GRM7: variants seen among roughly 807,000 people sequenced by gnomAD.
GRM7 encodes the protein metabotropic glutamate receptor 7.
Under a neutral mutation model 84.5 loss-of-function variants are expected in GRM7, and 35 were observed. The ratio of observed to expected loss-of-function variants is 0.41; its 90% CI spans 0.32 to 0.55. GRM7 has a LOEUF of 0.55. Among genes scored for constraint, GRM7 ranks in the 20% least tolerant of loss-of-function variants. The pLI is 0.19. For synonymous variants in GRM7, 487 were observed against 455.1 expected, an observed-to-expected ratio of 1.07 and a Z score of -0.89; for missense variants, 1,003 against 1,194.6, an observed-to-expected ratio of 0.84 and a Z score of 2.36.
At chr3:7,529,217 C>A (rs565494521) in intron 7 of GRM7, among the ~76,000 whole-genome samples, 2 of 152,080 alleles carry the variant, frequency 1.3e-5, no homozygotes, top group Admixed American at 6.6e-5. Context: ...TGCCAAGCTC[C>A]TATTAGTCAT....
At chr3:7,298,264 G>A (rs569876933) in intron 2 of GRM7, among the ~76,000 whole-genome samples, 6 of 152,054 alleles carry the variant, frequency 3.9e-5, no homozygotes, top group African/African-American at 4.8e-5. Flanking sequence ...GAATGCAAAC[G>A]CCACAAAAGT....
rs73123733 is a variant in GRM7 at position 7,708,776 on chromosome 3, A to C, written c.2698+28481A>C. 5.0e-3 allele frequency among the ~76,000 whole-genome samples: 754 copies of C among 152,264 alleles called. 8 individuals are homozygous for C. The highest frequency in any genetic ancestry group is 0.016 in the African/African-American group (683 of 41,536). ...TCTCCCAGCAGCCGGGTAGGATCCCAGGGAAGTACCTCCGATGAGATGTGA... is the reference window on the plus strand; with the variant it reads ...TCTCCCAGCAGCCGGGTAGGATCCCCGGGAAGTACCTCCGATGAGATGTGA... On this transcript the variant is annotated intron_variant, in intron 9 of 9. Coordinates refer to ENST00000357716, the MANE Select transcript of GRM7 (RefSeq NM_000844.4).
intron 4 of GRM7, among the ~76,000 whole-genome samples, chr3:7,366,682 A>C (rs932825882): frequency 1.3e-5 from 2 of 151,846 alleles, no homozygotes; most frequent in African/African-American, 4.8e-5. Flanking sequence ...TACCATTTGC[A>C]ATATCTCACT....
At chr3:7,654,846 G>A (rs182983178) in intron 8 of GRM7, among the ~76,000 whole-genome samples, 41 of 152,290 alleles carry the variant, frequency 2.7e-4, no homozygotes, top group Non-Finnish European at 5.9e-5. Context: ...TCTGTATTAG[G>A]AAATAATTGC....
At chr3:6,981,250 C>A (rs944568409) in intron 1 of GRM7, among the ~76,000 whole-genome samples, 1 of 152,134 alleles carries the variant, frequency 6.6e-6, no homozygotes, top group Admixed American at 6.5e-5. Context: ...GAAAAAATAT[C>A]TTGGCTTTAA....
intron 9 of GRM7, among the ~76,000 whole-genome samples, chr3:7,704,953 G>A (rs758272517): frequency 6.6e-6 from 1 of 152,142 alleles, no homozygotes; most frequent in Non-Finnish European, 1.5e-5. Context: ...TAGAAAACCT[G>A]GGACAAATCA....
intron 1 of GRM7, among the ~76,000 whole-genome samples, chr3:6,941,383 G>T (rs1228282372): frequency 1.3e-5 from 2 of 152,146 alleles, no homozygotes; most frequent in East Asian, 1.9e-4. Flanking sequence ...ATATTGAATA[G>T]ATACTTATTC....
intron 4 of GRM7, among the ~76,000 whole-genome samples, chr3:7,373,397 A>G (rs977434673): frequency 6.6e-6 from 1 of 152,176 alleles, no homozygotes; most frequent in African/African-American, 2.4e-5. Flanking sequence ...GGACATATAA[A>G]TAAATCAGAT....
intron 7 of GRM7, among the ~76,000 whole-genome samples, chr3:7,520,645 T>C (rs1700560874): frequency 6.6e-6 from 1 of 152,176 alleles, no homozygotes; most frequent in South Asian, 2.1e-4. Context: ...TGGATCAGGG[T>C]ATAGAAGACA....
intron 8 of GRM7, among the ~76,000 whole-genome samples, chr3:7,628,712 A>G (rs1002970233): frequency 7.2e-5 from 11 of 152,106 alleles, no homozygotes; most frequent in African/African-American, 2.7e-4. Context: ...AATAGGTGAG[A>G]GTTGAGAGAG....
chr3:6,933,008 G>A (rs1163654315), intron 1 of GRM7, among the ~76,000 whole-genome samples: 1 of 151,990 alleles, frequency 6.6e-6, no homozygotes, highest in Non-Finnish European at 1.5e-5. Flanking sequence ...ACCTGCCTTG[G>A]CCTCCCAAAG....
At position 7,423,209 on chromosome 3, in the gene GRM7, C is replaced by T. The variant is rs377029980; in HGVS notation, c.1174+8046C>T. Among the ~76,000 whole-genome samples, 135 of 152,302 alleles carry T rather than the reference C, an allele frequency of 8.9e-4. 5 individuals are homozygous for T. The South Asian group carries it at 0.026, about 29-fold the overall frequency. ...TCACCCATAGCAACTGTGTTTAATT[C>T]TGTGCAGAAGCAAGCCAAACAGTGA... On this transcript the variant is annotated intron_variant, in intron 5 of 9. Coordinates refer to ENST00000357716, the MANE Select transcript of GRM7 (RefSeq NM_000844.4).
chr3:7,341,273 A>T (rs982417540), intron 4 of GRM7, among the ~76,000 whole-genome samples: 2 of 152,170 alleles, frequency 1.3e-5, no homozygotes, highest in Non-Finnish European at 1.5e-5. Flanking sequence ...CAACAAATGT[A>T]ACTTTAAGCA....
At chr3:7,665,224 T>G (rs1699639683) in intron 8 of GRM7, among the ~76,000 whole-genome samples, 1 of 139,552 alleles carries the variant, frequency 7.2e-6, no homozygotes, top group Non-Finnish European at 1.5e-5. Flanking sequence ...CAGGCGGGAG[T>G]GCAGTGGCGC....
At chr3:7,288,492 G>T in intron 2 of GRM7, among the ~76,000 whole-genome samples, 1 of 151,954 alleles carries the variant, frequency 6.6e-6, no homozygotes, top group South Asian at 2.1e-4. Flanking sequence ...CTGGTCCTGC[G>T]TTTGGCTCTG....
At chr3:6,890,987 T>A (rs1695915008) in intron 1 of GRM7, among the ~76,000 whole-genome samples, 1 of 152,172 alleles carries the variant, frequency 6.6e-6, no homozygotes, top group Non-Finnish European at 1.5e-5. Context: ...CATTATGTAA[T>A]GGCCTTCTTT....
chr3:7,546,366 A>G (rs1693150568), intron 7 of GRM7, among the ~76,000 whole-genome samples: 1 of 152,220 alleles, frequency 6.6e-6, no homozygotes, highest in African/African-American at 2.4e-5. Context: ...GATGGGGACT[A>G]CTAAGGAAAA....
At chr3:6,926,309 A>G (rs1486074541) in intron 1 of GRM7, among the ~76,000 whole-genome samples, 1 of 152,202 alleles carries the variant, frequency 6.6e-6, no homozygotes, top group African/African-American at 2.4e-5. Context: ...TTGTGTCAAC[A>G]TCACATAAAC....
At chr3:7,475,631 T>C (rs1698891262) in intron 7 of GRM7, among the ~76,000 whole-genome samples, 1 of 152,184 alleles carries the variant, frequency 6.6e-6, no homozygotes, top group African/African-American at 2.4e-5. Context: ...TCATCACCAC[T>C]TGAGGTGATT....
Sources: allele counts gnomAD v4.1 joint callset (sites outside exome capture counted in the v4.1 genomes callset), GRCh38; gene constraint gnomAD v4.1.1; transcripts MANE v1.5; gene names NCBI Gene and HGNC (gene_info 2026-07-23, HGNC 2026-07-21).